The following PPP4R3A variants were observed in gnomAD, a reference collection of about 807,000 sequenced individuals.
PPP4R3A encodes the protein protein phosphatase 4 regulatory subunit 3A.
PPP4R3A carries 15 observed loss-of-function variants against 91.7 expected under a neutral mutation model. The observed-to-expected ratio is 0.16, with a 90% CI of 0.11 to 0.25. The LOEUF (loss-of-function observed/expected upper bound fraction) is 0.25. Among genes scored for constraint, PPP4R3A ranks in the 10% least tolerant of loss-of-function variants. The pLI, the probability that PPP4R3A is intolerant of heterozygous loss-of-function variation, is 1.00. For synonymous variants in PPP4R3A, 377 were observed against 348.7 expected (o/e 1.08, Z -0.91); for missense variants, 623 against 998.4 (o/e 0.62, Z 5.07).
At chr14:91,462,001 A>G in intron 13 of PPP4R3A, 48 bp downstream of exon 13, 1 of 1,444,156 alleles carries the variant, frequency 6.9e-7, no homozygotes, top group Non-Finnish European at 9.1e-7. Context: ...GAATAAATCT[A>G]GAGTAAGAAA....
rs746010250 is a variant in PPP4R3A at position 91,475,986 on chromosome 14, A to G, written c.1111-20T>C. ...CATGCCCTGCAGACAAAAAACATTT[A>G]TTTTTCCTGTATTTATAAAAATACG... On this transcript the variant is annotated intron_variant, in intron 6 of 14. Coordinates refer to ENST00000554943, the MANE Select transcript of PPP4R3A (RefSeq NM_001366432.2). 2.0e-6 allele frequency: 3 copies of G among 1,518,602 alleles called. No individual in the cohort carries two copies. The South Asian group carries it at 4.1e-5, about 21-fold the overall frequency. 94.1% of individuals were successfully genotyped at this position (1,518,602 alleles called of 1,614,324 possible). A position where few individuals can be genotyped will look rare whatever the true frequency, so the allele number is the denominator to read the frequency against.
At chr14:91,505,912 C>T (rs1891263770) in intron 1 of PPP4R3A, among the ~76,000 whole-genome samples, 2 of 152,090 alleles carry the variant, frequency 1.3e-5, no homozygotes, top group South Asian at 2.1e-4. Context: ...AACACAAAAA[C>T]ATCCATGTAA....
intron 7 of PPP4R3A, 109 bp downstream of exon 7, chr14:91,475,702 A>T: frequency 9.1e-7 from 1 of 1,097,006 alleles, no homozygotes; most frequent in Non-Finnish European, 1.3e-6. Context: ...GTCTGATATT[A>T]TGGCTACACT....
intron 14 of PPP4R3A, 138 bp downstream of exon 14, chr14:91,461,243 T>TGG: frequency 4.1e-6 from 3 of 729,612 alleles, no homozygotes; most frequent in East Asian, 5.2e-5. Context: ...GTTCAAGCGG[T>TGG]GGGGGGGACT....
At position 91,507,415 on chromosome 14, in the gene PPP4R3A, AT is replaced by A. The variant is rs1217335143; in HGVS notation, c.142+2090del. On this transcript the variant is annotated intron_variant, in intron 1 of 14. Transcript: ENST00000554943. ...TATATGTACTATAATTATATATACT[AT>A]ATAATATATATACTATAATTATATA... 4.6e-4 allele frequency among the ~76,000 whole-genome samples: 47 copies of A among 101,474 alleles called. 4 individuals are homozygous for A. Among genetic ancestry groups the A allele is most frequent in the African/African-American group, 1.6e-3 (45 of 28,534 alleles). 66.6% of individuals were successfully genotyped at this position (101,474 alleles called of 152,430 possible).
intron 2 of PPP4R3A, among the ~76,000 whole-genome samples, chr14:91,487,165 A>T (rs1889942876): frequency 7.1e-6 from 1 of 141,002 alleles, no homozygotes; most frequent in South Asian, 2.3e-4. Context: ...TGGGAGAGTC[A>T]CTTGAACCCG....
At chr14:91,504,124 C>G (rs1891128675) in intron 1 of PPP4R3A, among the ~76,000 whole-genome samples, 1 of 151,324 alleles carries the variant, frequency 6.6e-6, no homozygotes, top group Admixed American at 6.6e-5. Flanking sequence ...CGAGACCAGC[C>G]TGGGCGACAA....
At chr14:91,501,207 TAGC>T (rs1890926633) in intron 1 of PPP4R3A, among the ~76,000 whole-genome samples, 1 of 152,204 alleles carries the variant, frequency 6.6e-6, no homozygotes, top group Non-Finnish European at 1.5e-5. Context: ...TAGACTCAGG[TAGC>T]AGGGAAGTAA....
rs374543560 is a variant in PPP4R3A, at chr14:91,465,037, C to T, written c.1830+213G>A. Among the ~76,000 whole-genome samples, 123 of 152,262 alleles carry T rather than the reference C, an allele frequency of 8.1e-4. 3 individuals are homozygous for T. The South Asian group carries it at 0.011, about 14-fold the overall frequency. ...TCCTAACAGGCTATGGACCGGTCCG[C>T]GGCCAAGGGGTTGAGGACCCCTGCT... On this transcript the variant is annotated intron_variant, in intron 11 of 14. Transcript: ENST00000554943.
At chr14:91,482,299 G>A (rs6575195) in intron 3 of PPP4R3A, 106 bp from the exon 4 acceptor site, 1,025,228 of 1,206,908 alleles carry the variant, frequency 0.85, 436,870 homozygotes, top group East Asian at 0.97. Flanking sequence ...ACCTATAATG[G>A]TCATTTTCAA....
At chr14:91,475,161 T>C (rs1412755077) in intron 7 of PPP4R3A, 1 of 151,894 alleles carries the variant, frequency 6.6e-6, no homozygotes, top group Non-Finnish European at 1.5e-5. Context: ...GCTTCCAAAT[T>C]GTTATGGGGG....
At chr14:91,502,724 A>G (rs1891039525) in intron 1 of PPP4R3A, among the ~76,000 whole-genome samples, 1 of 152,216 alleles carries the variant, frequency 6.6e-6, no homozygotes, top group Non-Finnish European at 1.5e-5. Flanking sequence ...GAACAAAAAC[A>G]TTTCTCCATG....
intron 10 of PPP4R3A, among the ~76,000 whole-genome samples, chr14:91,467,916 T>C (rs1474040683): frequency 6.6e-6 from 1 of 152,214 alleles, no homozygotes; most frequent in East Asian, 1.9e-4. Context: ...AAAAATACTA[T>C]ACCTAATACT....
chr14:91,458,939 GGAGA>G, intron 14 of PPP4R3A, 70 bp from the exon 15 acceptor site: 1 of 1,486,916 alleles, frequency 6.7e-7, no homozygotes, highest in South Asian at 1.4e-5. Flanking sequence ...TTTTCTGGCT[GGAGA>G]AAGAAAATAG....
intron 1 of PPP4R3A, among the ~76,000 whole-genome samples, chr14:91,505,746 C>T (rs1487461700): frequency 1.3e-5 from 2 of 152,006 alleles, no homozygotes; most frequent in African/African-American, 4.8e-5. Flanking sequence ...TATGGAAAAG[C>T]GCAATAATTT....
intron 1 of PPP4R3A, among the ~76,000 whole-genome samples, chr14:91,500,320 C>G (rs117804205): frequency 0.039 from 5,970 of 152,234 alleles, 150 homozygotes; most frequent in Non-Finnish European, 0.061. Flanking sequence ...CCTGACTCAG[C>G]CTCCAGAGTG....
At chr14:91,475,510 GAATT>G in intron 7 of PPP4R3A, 1 of 249,066 alleles carries the variant, frequency 4.0e-6, no homozygotes. Flanking sequence ...CCAGATACAA[GAATT>G]GATTGACTAA....
chr14:91,476,882 T>C (rs1244718733), intron 5 of PPP4R3A, 27 bp downstream of exon 5: 4 of 1,551,224 alleles, frequency 2.6e-6, no homozygotes, highest in East Asian at 2.3e-5. Context: ...TTTATTTTTA[T>C]GCCTTTCATA....
chr14:91,488,648 C>A (rs1404022942), intron 2 of PPP4R3A, among the ~76,000 whole-genome samples: 1 of 152,150 alleles, frequency 6.6e-6, no homozygotes. Context: ...AGGTTATCTG[C>A]TCAGTAAATA....
Sources: gnomAD v4.1 joint callset for allele counts (sites outside exome capture counted in the v4.1 genomes callset) on GRCh38, gnomAD v4.1.1 for gene constraint, MANE v1.5 for transcripts, NCBI Gene and HGNC (gene_info 2026-07-23, HGNC 2026-07-21) for gene names.